Variants in TANC1 observed in about 807,000 individuals in gnomAD.
The protein encoded by TANC1 is protein TANC1.
Under a neutral mutation model 149.7 loss-of-function variants are expected in TANC1, and 77 were observed. The ratio of observed to expected loss-of-function variants is 0.51; its 90% CI spans 0.43 to 0.62. The LOEUF is 0.62. Among genes scored for constraint, TANC1 ranks in the 20% least tolerant of loss-of-function variants. The pLI, the probability that TANC1 is intolerant of heterozygous loss-of-function variation, is 0.00. For missense variants in TANC1, 1,985 were observed against 2,321.8 expected, an observed-to-expected ratio of 0.85 and a Z score of 2.98; for synonymous variants, 854 against 925.0, an observed-to-expected ratio of 0.92 and a Z score of 1.39.
At chr2:159,106,740 G>A (rs1015635694) in intron 4 of TANC1, among the ~76,000 whole-genome samples, 3 of 152,118 alleles carry the variant, frequency 2.0e-5, no homozygotes, top group Admixed American at 6.6e-5. Context: ...TTAAGTTGCC[G>A]CCAAATTATT....
At chr2:159,156,852 T>G (rs1316864520) in intron 7 of TANC1, among the ~76,000 whole-genome samples, 2 of 152,118 alleles carry the variant, frequency 1.3e-5, no homozygotes, top group Non-Finnish European at 2.9e-5. Flanking sequence ...AGTTGGGCAG[T>G]GTGGTGGGTC....
At chr2:158,998,026 C>T (rs1199831006) in intron 1 of TANC1, among the ~76,000 whole-genome samples, 2 of 152,152 alleles carry the variant, frequency 1.3e-5, no homozygotes, top group African/African-American at 4.8e-5. Flanking sequence ...AAAAGTTTCA[C>T]TTTGGGAGAA....
intron 4 of TANC1, among the ~76,000 whole-genome samples, chr2:159,106,025 T>C (rs532286671): frequency 1.1e-4 from 17 of 152,352 alleles, no homozygotes; most frequent in African/African-American, 3.8e-4. Flanking sequence ...TACAGTGTTT[T>C]ATGACGCACA....
rs2151011953 is a variant in TANC1, at chr2:159,231,145, T to C, written c.*133T>C. 1 of 660,986 alleles carries C rather than the reference T, an allele frequency of 1.5e-6. No individual in the cohort carries two copies. Among genetic ancestry groups the C allele is most frequent in the Non-Finnish European group, 2.6e-6 (1 of 390,658 alleles). The allele number at this position is 660,986 out of a possible 1,614,324, so 40.9% of individuals were successfully genotyped here. A position where few individuals can be genotyped will look rare whatever the true frequency, so the allele number is the denominator to read the frequency against. On this transcript the variant is annotated 3_prime_UTR_variant, in exon 27 of 27. Coordinates refer to ENST00000263635, the MANE Select transcript of TANC1 (RefSeq NM_033394.3). ...TTTGGGGTGGATCTGATGCCATTGA[T>C]ATATCTAAAATGTGGGATAAAACTT...
intron 17 of TANC1, among the ~76,000 whole-genome samples, chr2:159,195,567 T>A (rs1037969181): frequency 2.0e-5 from 3 of 152,238 alleles, no homozygotes; most frequent in Non-Finnish European, 2.9e-5. Flanking sequence ...TTAATTAGGA[T>A]ATTTAAAGTT....
intron 23 of TANC1, chr2:159,225,218 G>C (rs551360081): frequency 2.0e-5 from 4 of 196,842 alleles, no homozygotes; most frequent in South Asian, 1.0e-4. Context: ...TCCTCCCACA[G>C]TGTCCCGAGA....
chr2:159,123,348 GGAAA>G (rs1335423100), intron 4 of TANC1, among the ~76,000 whole-genome samples: 1 of 152,138 alleles, frequency 6.6e-6, no homozygotes, highest in African/African-American at 2.4e-5. Flanking sequence ...TGTGGAGGAT[GGAAA>G]GAGAGAGTGC....
chr2:159,142,215 G>A (rs890028578), intron 5 of TANC1, among the ~76,000 whole-genome samples: 2 of 152,176 alleles, frequency 1.3e-5, no homozygotes, highest in African/African-American at 4.8e-5. Flanking sequence ...GACAGTGTAG[G>A]CTGTGGACTT....
At chr2:159,011,918 G>C (rs1174900495) in intron 2 of TANC1, among the ~76,000 whole-genome samples, 2 of 152,178 alleles carry the variant, frequency 1.3e-5, no homozygotes, top group Non-Finnish European at 2.9e-5. Context: ...CCAGAGAGCA[G>C]CTCAGTCCCC....
intron 3 of TANC1, among the ~76,000 whole-genome samples, chr2:159,068,180 A>G (rs2042831770): frequency 6.6e-6 from 1 of 152,170 alleles, no homozygotes; most frequent in Non-Finnish European, 1.5e-5. Flanking sequence ...TTGTTGGGGG[A>G]AATACTTGGA....
intron 3 of TANC1, among the ~76,000 whole-genome samples, chr2:159,094,130 AGGT>A (rs1395936249): frequency 6.6e-6 from 1 of 152,150 alleles, no homozygotes; most frequent in Non-Finnish European, 1.5e-5. Flanking sequence ...GTTTTTGTAT[AGGT>A]CAGTAATACT....
intron 3 of TANC1, among the ~76,000 whole-genome samples, chr2:159,072,928 C>T (rs957586822): frequency 1.3e-5 from 2 of 152,220 alleles, no homozygotes; most frequent in African/African-American, 4.8e-5. Context: ...CAGCTTCAGC[C>T]TTTCCCCTAT....
intron 22 of TANC1, among the ~76,000 whole-genome samples, chr2:159,220,395 C>T (rs2059629335): frequency 6.9e-6 from 1 of 145,246 alleles, no homozygotes; most frequent in Non-Finnish European, 1.5e-5. Context: ...GCAACTTCCG[C>T]CTCCTGGGTT....
chr2:159,113,090 A>G (rs1489665484), intron 4 of TANC1, among the ~76,000 whole-genome samples: 1 of 152,072 alleles, frequency 6.6e-6, no homozygotes, highest in African/African-American at 2.4e-5. Context: ...ATGTGTCACT[A>G]CGCGTGGCTA....
chr2:158,989,953 T>C (rs1247384268), intron 1 of TANC1, among the ~76,000 whole-genome samples: 1 of 151,728 alleles, frequency 6.6e-6, no homozygotes, highest in African/African-American at 2.4e-5. Flanking sequence ...TCTCGCACTG[T>C]CACAGGGGCT....
At chr2:159,144,588 G>C (rs2051838227) in intron 5 of TANC1, among the ~76,000 whole-genome samples, 1 of 152,144 alleles carries the variant, frequency 6.6e-6, no homozygotes, top group South Asian at 2.1e-4. Flanking sequence ...ATGTTGGCCA[G>C]GCTGCTCTCG....
At chr2:159,138,978 T>C (rs962538042) in intron 5 of TANC1, among the ~76,000 whole-genome samples, 4 of 152,234 alleles carry the variant, frequency 2.6e-5, no homozygotes, top group African/African-American at 9.6e-5. Flanking sequence ...TATAAGTAAT[T>C]GCATTTATGT....
At chr2:159,074,244 G>A (rs1057349612) in intron 3 of TANC1, among the ~76,000 whole-genome samples, 5 of 152,184 alleles carry the variant, frequency 3.3e-5, no homozygotes, top group African/African-American at 1.2e-4. Context: ...CTGAGCAGCT[G>A]GTTTTAATTC....
At position 159,172,218 on chromosome 2, in the gene TANC1, C is replaced by A. The variant is rs6729871; in HGVS notation, c.1449C>A (p.Ile483=). 6.2e-7 allele frequency: 1 copy of A among 1,614,204 alleles called. No homozygotes were observed. The highest frequency in any genetic ancestry group is 8.5e-7 in the Non-Finnish European group (1 of 1,180,026). The part of the protein sequence containing the change: ...SSTAKTPLGS[I]SAENQRPRED... ...CAGCTAAAACACCTCTTGGGTCTAT[C>A]AGTGCTGAAAACCAGAGACCAAGAG... The change falls in exon 11 of 27, where the codon ATC becomes ATA. Residue 483 remains isoleucine, a synonymous_variant. Coordinates refer to ENST00000263635, the MANE Select transcript of TANC1 (RefSeq NM_033394.3).
Sources: allele counts gnomAD v4.1 joint callset (sites outside exome capture counted in the v4.1 genomes callset), GRCh38; gene constraint gnomAD v4.1.1; transcripts MANE v1.5; gene names NCBI Gene and HGNC (gene_info 2026-07-23, HGNC 2026-07-21).